DEPDC5: variants seen among roughly 807,000 people sequenced by gnomAD.
The protein encoded by DEPDC5 is GATOR1 complex protein DEPDC5.
Under a neutral mutation model 217.3 loss-of-function variants are expected in DEPDC5, and 73 were observed. That is an observed-to-expected ratio of 0.34 (90% confidence interval 0.28 to 0.41). The LOEUF is 0.41. DEPDC5 is among the 10% of genes least tolerant of loss of function. The pLI, the probability that DEPDC5 is intolerant of heterozygous loss-of-function variation, is 1.00. For synonymous variants in DEPDC5, 733 were observed against 756.7 expected, an observed-to-expected ratio of 0.97 and a Z score of 0.51; for missense variants, 1,675 against 2,070.1, an observed-to-expected ratio of 0.81 and a Z score of 3.70.
chr22:31,799,111 T>C (rs2148593108), intron 14 of DEPDC5, among the ~76,000 whole-genome samples: 1 of 151,870 alleles, frequency 6.6e-6, no homozygotes, highest in Non-Finnish European at 1.5e-5. Flanking sequence ...TGATGCGATC[T>C]TGGCTCACTG....
intron 24 of DEPDC5, among the ~76,000 whole-genome samples, chr22:31,829,113 C>T (rs2090390987): frequency 6.6e-6 from 1 of 152,182 alleles, no homozygotes; most frequent in Non-Finnish European, 1.5e-5. Flanking sequence ...GACTGCCTGT[C>T]CCACAGAGCG....
rs1434738986 is a variant in DEPDC5, at chr22:31,766,623, T to C, written c.318T>C (p.Asp106=). 1 of 1,613,964 alleles carries C rather than the reference T, an allele frequency of 6.2e-7. No individual in the cohort carries two copies. Among genetic ancestry groups the C allele is most frequent in the South Asian group, 1.1e-5 (1 of 91,016 alleles). ...TLDLVELTFK[D]QYIGRGDMWR... The stretch of plus-strand genomic sequence containing the variant: ...ACCTAGTGGAATTAACTTTTAAGGA[T>C]CAGTATATTGGCCGTGGGGATATGT... Residue 106 remains aspartate (D), a synonymous_variant, in exon 6 of 43, where the codon GAT becomes GAC. Coordinates refer to ENST00000651528, the MANE Select transcript of DEPDC5 (RefSeq NM_001242896.3).
intron 10 of DEPDC5, among the ~76,000 whole-genome samples, chr22:31,786,253 C>T (rs959234177): frequency 6.7e-6 from 1 of 150,164 alleles, no homozygotes; most frequent in Admixed American, 6.7e-5. Context: ...GAGACTCCAT[C>T]TCATAAATAA....
rs966689579 is a variant in DEPDC5, at chr22:31,760,676, A to G, written c.167A>G (p.Lys56Arg). Residue 56 changes from lysine (K) to arginine (R), a missense_variant, in exon 4 of 43, where the codon AAG becomes AGG. Transcript: ENST00000651528. ...TTCAGCCCTCTGCTTTTGCAGGTCA[A>G]GTCTCTTAAGGAAGATTTACAGAAG... Reference protein sequence around the residue: ...DEYSPLLLQVKSLKEDLQKET... With the variant: ...DEYSPLLLQVRSLKEDLQKET... 2.9e-5 allele frequency: 46 copies of G among 1,613,224 alleles called. No individual in the cohort carries two copies. The highest frequency in any genetic ancestry group is 3.8e-5 in the Non-Finnish European group (45 of 1,179,756).
At chr22:31,822,570 G>A in intron 23 of DEPDC5, 123 bp from the exon 24 acceptor site, 1 of 859,534 alleles carries the variant, frequency 1.2e-6, no homozygotes, top group Non-Finnish European at 1.8e-6. Flanking sequence ...CTGCCAGCTT[G>A]AGTTGGCTGA....
Position 31,778,212 on chromosome 22 carries a change from A to G in DEPDC5, c.483+44A>G, listed in dbSNP as rs7286557. ...TTTTTTGGTTTTATCTCTCCATACT[A>G]TTATGGCTAAGTCCTAAAATCAAAA... On this transcript the variant is annotated intron_variant, in intron 8 of 42. Transcript: ENST00000651528. 0.037 allele frequency: 57,704 copies of G among 1,573,396 alleles called. 1,236 individuals carry two copies. The highest frequency in any genetic ancestry group is 0.057 in the South Asian group (5,161 of 90,186).
At chr22:31,877,450 A>AAC (rs2093029673) in intron 37 of DEPDC5, among the ~76,000 whole-genome samples, 1 of 138,974 alleles carries the variant, frequency 7.2e-6, no homozygotes, top group African/African-American at 3.0e-5. Flanking sequence ...AAAAAAAAAA[A>AAC]AAAAAAAAAA....
At chr22:31,850,068 G>C (rs879395682) in intron 31 of DEPDC5, among the ~76,000 whole-genome samples, 1 of 151,328 alleles carries the variant, frequency 6.6e-6, no homozygotes, top group Non-Finnish European at 1.5e-5. Context: ...GCAGTGAGCC[G>C]AGATTGTGCC....
chr22:31,764,959 A>T lies in DEPDC5; in HGVS notation c.194-16A>T. ...TCAAAATATGTTATCTGAGCCAGAT[A>T]TTGTTTCTGTTTTAGAAACTATCAG... On this transcript the variant is annotated splice_polypyrimidine_tract_variant and intron_variant, in intron 4 of 42. Transcript: ENST00000651528. 6.2e-7 allele frequency: 1 copy of T among 1,603,870 alleles called. No homozygotes were observed.
At chr22:31,887,012 G>T (rs1235447791) in intron 38 of DEPDC5, among the ~76,000 whole-genome samples, 1 of 151,932 alleles carries the variant, frequency 6.6e-6, no homozygotes, top group Non-Finnish European at 1.5e-5. Context: ...GAACCCGGGA[G>T]GTGGAGGTTG....
intron 10 of DEPDC5, 57 bp downstream of exon 10, chr22:31,784,932 T>TA: frequency 6.7e-7 from 1 of 1,500,542 alleles, no homozygotes. Context: ...AATCAGATTT[T>TA]TAAAATGCAC....
intron 31 of DEPDC5, among the ~76,000 whole-genome samples, chr22:31,856,155 G>GCGCGCGCGCA (rs1226909374): frequency 4.3e-5 from 6 of 140,570 alleles, no homozygotes; most frequent in Admixed American, 2.1e-4. Context: ...GGGCCAACGC[G>GCGCGCGCGCA]CACACACACA....
rs897570750 is a variant in DEPDC5, at chr22:31,781,006, C to T, written c.483+2838C>T. Among the ~76,000 whole-genome samples, 19 of 152,228 alleles carry T rather than the reference C, an allele frequency of 1.2e-4. No individual in the cohort carries two copies. The East Asian group carries it at 3.1e-3, about 25-fold the overall frequency. ...CCGAGGCAGGTGGTTCACCTGATGT[C>T]GGGAGTTTGAGACCAACCTGACCAA... On this transcript the variant is annotated intron_variant, in intron 8 of 42. Transcript: ENST00000651528.
At position 31,843,703 on chromosome 22, in the gene DEPDC5, G is replaced by T. The variant is rs1421058201; in HGVS notation, c.2692G>T (p.Asp898Tyr). The T allele has an allele frequency of 1.9e-6, 3 of 1,614,014 alleles. No individual in the cohort carries two copies. The highest frequency in any genetic ancestry group is 3.3e-5 in the Admixed American group (2 of 60,016). ...CTACAGCCTCTGTCCTTCCCACTCAGACTCAGAGTTCGTCTCCTGCTGGGT... is the reference window on the plus strand; with the variant it reads ...CTACAGCCTCTGTCCTTCCCACTCATACTCAGAGTTCGTCTCCTGCTGGGT... ...YTYSLCPSHS[D>Y]SEFVSCWVEF... Residue 898 changes from aspartate (D) to tyrosine (Y), a missense_variant, in exon 29 of 43, where the codon GAC becomes TAC. This residue lies in a region of DEPDC5 where 293 missense variants were observed against 386.1 expected (regional missense o/e 0.76). Transcript: ENST00000651528.
chr22:31,778,294 T>G, intron 8 of DEPDC5, 126 bp downstream of exon 8: 28 of 930,510 alleles, frequency 3.0e-5, no homozygotes, highest in East Asian at 5.2e-5. Context: ...TCCCAGGAGT[T>G]CAAGACAAGC....
At chr22:31,811,897 G>A (rs2088394389) in intron 20 of DEPDC5, among the ~76,000 whole-genome samples, 1 of 152,136 alleles carries the variant, frequency 6.6e-6, no homozygotes, top group African/African-American at 2.4e-5. Flanking sequence ...CTATTCATTT[G>A]TGGGTCTTGT....
chr22:31,814,546 GT>G (rs1412175238), intron 20 of DEPDC5: 1 of 171,382 alleles, frequency 5.8e-6, no homozygotes, highest in Non-Finnish European at 1.3e-5. Flanking sequence ...TAGTGTTTCA[GT>G]TTTCCTCTAT....
chr22:31,764,479 G>A (rs1012446581), intron 4 of DEPDC5, among the ~76,000 whole-genome samples: 5 of 151,982 alleles, frequency 3.3e-5, no homozygotes, highest in Non-Finnish European at 7.4e-5. Flanking sequence ...GCAGTGGTAC[G>A]ATCTCAGCTC....
intron 24 of DEPDC5, among the ~76,000 whole-genome samples, chr22:31,831,834 A>G (rs527306364): frequency 3.3e-5 from 5 of 152,320 alleles, no homozygotes; most frequent in Middle Eastern, 3.4e-3. Context: ...GTGAGTTTTG[A>G]CAAATGCATA....
Sources: gnomAD v4.1 joint callset for allele counts (sites outside exome capture counted in the v4.1 genomes callset) on GRCh38, gnomAD v4.1.1 for gene constraint, gnomAD v4.1.1 regional missense constraint, MANE v1.5 for transcripts, NCBI Gene and HGNC (gene_info 2026-07-23, HGNC 2026-07-21) for gene names.